Variants in ZNF57 observed in about 807,000 individuals in gnomAD.
ZNF57 encodes zinc finger protein 424.
A neutral mutation model predicts 13.4 loss-of-function variants in ZNF57; 11 were observed. That is an observed-to-expected ratio of 0.82 (90% confidence interval 0.52 to 1.36). The LOEUF (loss-of-function observed/expected upper bound fraction) is 1.36. Among genes scored for constraint, ZNF57 ranks in the 40% most tolerant of loss-of-function variants. The pLI, the probability that ZNF57 is intolerant of heterozygous loss-of-function variation, is 0.00. For missense variants in ZNF57, 696 were observed against 667.5 expected (o/e 1.04, Z -0.47); for synonymous variants, 224 against 238.5 (o/e 0.94, Z 0.56).
intron 1 of ZNF57, among the ~76,000 whole-genome samples, chr19:2,904,854 C>T (rs977414356): frequency 9.9e-5 from 15 of 151,956 alleles, no homozygotes; most frequent in Admixed American, 7.2e-4. Flanking sequence ...TCCCTCGTAG[C>T]TTACTGTCTG....
intron 1 of ZNF57, among the ~76,000 whole-genome samples, chr19:2,903,851 G>A (rs886690960): frequency 6.6e-6 from 1 of 151,996 alleles, no homozygotes; most frequent in African/African-American, 2.4e-5. Flanking sequence ...GCGTAGCTGG[G>A]ACTACAGGCG....
At chr19:2,913,504 A>G (rs1448185971) in intron 1 of ZNF57, among the ~76,000 whole-genome samples, 6 of 152,122 alleles carry the variant, frequency 3.9e-5, no homozygotes, top group African/African-American at 4.8e-5. Flanking sequence ...TCTTTATTTT[A>G]CATCCATCTC....
chr19:2,916,775 TA>T, intron 3 of ZNF57, 148 bp from the exon 4 acceptor site: 1 of 619,390 alleles, frequency 1.6e-6, no homozygotes, highest in Non-Finnish European at 2.6e-6. Context: ...AATACTGCAT[TA>T]AAAAATATGT....
rs779555212 is a variant in ZNF57, at chr19:2,916,035, C to T, written c.131-43C>T. ...CCTCAGTGTCTTCCTTTGCTTAATA[C>T]GTGTCTTATTCCTTTTGAGATTTGT... On this transcript the variant is annotated intron_variant, in intron 2 of 3. Coordinates refer to ENST00000306908, the MANE Select transcript of ZNF57 (RefSeq NM_173480.3). 18 of 1,580,428 alleles carry T rather than the reference C, an allele frequency of 1.1e-5. No individual in the cohort carries two copies. The Middle Eastern group carries it at 5.1e-4, about 44-fold the overall frequency.
At chr19:2,903,103 A>C (rs2088042833) in intron 1 of ZNF57, among the ~76,000 whole-genome samples, 1 of 152,168 alleles carries the variant, frequency 6.6e-6, no homozygotes, top group African/African-American at 2.4e-5. Flanking sequence ...GAGGCTGCTG[A>C]GCATGGGAAA....
chr19:2,906,389 G>T (rs1352263593), intron 1 of ZNF57, among the ~76,000 whole-genome samples: 1 of 152,228 alleles, frequency 6.6e-6, no homozygotes, highest in Non-Finnish European at 1.5e-5. Context: ...TGCCCAAGCA[G>T]TGTATCTTAG....
chr19:2,903,272 C>A lies in ZNF57; in HGVS notation c.3+2224C>A, dbSNP rs548207895. Among the ~76,000 whole-genome samples, 181 of 152,030 alleles carry A rather than the reference C, an allele frequency of 1.2e-3. 1 individual carries two copies. Among genetic ancestry groups the A allele is most frequent in the South Asian group, 4.6e-3 (22 of 4,818 alleles). On this transcript the variant is annotated intron_variant, in intron 1 of 3. Transcript: ENST00000306908. ...TGTCTCCCAGGCTGGAGTACAGTGGCGTGATCTCCACACATTGTATCATCC... is the reference window on the plus strand; with the variant it reads ...TGTCTCCCAGGCTGGAGTACAGTGGAGTGATCTCCACACATTGTATCATCC...
intron 2 of ZNF57, 74 bp downstream of exon 2, chr19:2,915,722 TG>T (rs747018233): frequency 1.2e-6 from 2 of 1,608,104 alleles, no homozygotes; most frequent in Admixed American, 3.3e-5. Flanking sequence ...TTGCAAGATG[TG>T]AAATGTGGGA....
chr19:2,905,527 G>T (rs546665816), intron 1 of ZNF57, among the ~76,000 whole-genome samples: 1 of 148,388 alleles, frequency 6.7e-6, no homozygotes, highest in African/African-American at 2.5e-5. Flanking sequence ...TCCCTCTACC[G>T]GCGGAGGCGG....
intron 1 of ZNF57, among the ~76,000 whole-genome samples, chr19:2,904,971 T>C (rs539550941): frequency 6.6e-6 from 1 of 152,328 alleles, no homozygotes; most frequent in Non-Finnish European, 1.5e-5. Flanking sequence ...ATGCCGACGA[T>C]TGAACTTGCA....
chr19:2,908,460 G>GTTTT (rs1568180281), intron 1 of ZNF57, among the ~76,000 whole-genome samples: 5 of 57,258 alleles, frequency 8.7e-5, no homozygotes, highest in South Asian at 4.9e-4. Flanking sequence ...TTATTTTTTT[G>GTTTT]GTTTTTTTTT....
rs1158131557 is a variant in ZNF57 at position 2,900,969 on chromosome 19, A to G, written c.-77A>G. On this transcript the variant is annotated 5_prime_UTR_variant, in exon 1 of 4. Transcript: ENST00000306908. ...CCCTGCCTACCACGAGCGGCCCGGG[A>G]GTACCTGTACCTTTCAGCTGCGCCG... The G allele has an allele frequency of 4.7e-5, 72 of 1,537,266 alleles. No individual in the cohort carries two copies. Among genetic ancestry groups the G allele is most frequent in the Non-Finnish European group, 6.2e-5 (71 of 1,138,258 alleles).
rs1199541529 is a variant in ZNF57 at position 2,910,785 on chromosome 19, G to A, written c.4-4737G>A. On this transcript the variant is annotated intron_variant, in intron 1 of 3. Coordinates refer to ENST00000306908, the MANE Select transcript of ZNF57 (RefSeq NM_173480.3). ...TAATTTTTATATTTTTAGTAGAGAC[G>A]GGGTTTCCCTGTGTTGGCCAGGATG... Among the ~76,000 whole-genome samples, 11 of 110,140 alleles carry A rather than the reference G, an allele frequency of 1.0e-4. 1 individual carries two copies. The highest frequency in any genetic ancestry group is 1.8e-4 in the African/African-American group (6 of 33,020). The allele number at this position is 110,140 out of a possible 152,430, so 72.3% of individuals were successfully genotyped here.
At chr19:2,910,962 C>A (rs957832045) in intron 1 of ZNF57, among the ~76,000 whole-genome samples, 1 of 151,730 alleles carries the variant, frequency 6.6e-6, no homozygotes, top group Admixed American at 6.6e-5. Flanking sequence ...TCTTTTTCTG[C>A]CTTTTTTGGT....
chr19:2,914,880 C>T (rs184591984), intron 1 of ZNF57, among the ~76,000 whole-genome samples: 8 of 152,288 alleles, frequency 5.3e-5, no homozygotes, highest in African/African-American at 1.9e-4. Context: ...TCCCTCCCAC[C>T]CTCCTCCTCT....
At chr19:2,902,042 A>C (rs895727434) in intron 1 of ZNF57, among the ~76,000 whole-genome samples, 11 of 151,382 alleles carry the variant, frequency 7.3e-5, no homozygotes, top group African/African-American at 1.9e-4. Flanking sequence ...TACATTCACA[A>C]GGGCGAGGAG....
intron 1 of ZNF57, among the ~76,000 whole-genome samples, chr19:2,910,906 T>C (rs1461994135): frequency 1.3e-5 from 2 of 151,732 alleles, no homozygotes; most frequent in Admixed American, 1.3e-4. Flanking sequence ...GTTACTGTTT[T>C]CTGTTTTTGT....
At position 2,918,189 on chromosome 19, in the gene ZNF57, T is replaced by G; in HGVS notation, c.1568T>G (p.Leu523Arg). The part of the protein sequence containing the change: ...FKWHSSFRNH[L>R]RMHTGQKSHE... ...TGGCACTCCTCCTTCCGGAACCATC[T>G]GAGGATGCACACAGGACAGAAATCC... The change falls in exon 4 of 4, where the codon CTG becomes CGG. Residue 523 changes from leucine (L) to arginine (R), a missense_variant. Physicochemically the swap from Leu to Arg is moderately radical, Grantham distance 102. Transcript: ENST00000306908. 6.2e-7 allele frequency: 1 copy of G among 1,614,252 alleles called. No individual in the cohort carries two copies. Among genetic ancestry groups the G allele is most frequent in the South Asian group, 1.1e-5 (1 of 91,088 alleles).
At chr19:2,909,945 G>T (rs1327053610) in intron 1 of ZNF57, among the ~76,000 whole-genome samples, 1 of 44,348 alleles carries the variant, frequency 2.3e-5, no homozygotes, top group African/African-American at 4.9e-5. Context: ...ATACTGTGTT[G>T]GTATTTTGAG....
Sources: gnomAD v4.1 joint callset for allele counts (sites outside exome capture counted in the v4.1 genomes callset) on GRCh38, gnomAD v4.1.1 for gene constraint, MANE v1.5 for transcripts, NCBI Gene and HGNC (gene_info 2026-07-23, HGNC 2026-07-21) for gene names.